MYH1: variants seen among roughly 807,000 people sequenced by gnomAD.
MYH1 encodes myosin-1.
A neutral mutation model predicts 225.6 loss-of-function variants in MYH1; 214 were observed. The observed-to-expected ratio is 0.95, with a 90% CI of 0.85 to 1.06. The LOEUF (loss-of-function observed/expected upper bound fraction) is 1.06, where lower values mean the gene tolerates loss of function less well. Ranked by LOEUF, MYH1 falls within the 50% of genes least tolerant of loss-of-function variation. MYH1 has a pLI of 0.00. For missense variants in MYH1, 2,098 were observed against 2,344.2 expected (o/e 0.89, Z 2.17); for synonymous variants, 774 against 842.3 (o/e 0.92, Z 1.40).
rs1056705175 is a variant in MYH1, at chr17:10,512,956, T to C, written c.815A>G (p.Glu272Gly). Residue 272 changes from glutamate to glycine, a missense_variant, in exon 10 of 40, where the codon GAG becomes GGG. Physicochemically the swap from Glu to Gly is moderately conservative, Grantham distance 98. Transcript: ENST00000226207. The part of the protein sequence containing the change: ...ASADIETYLL[E>G]KSRVTFQLKA... ...TAGCTGGAAAGTAACTCTAGACTTCTCCAGAAGATCTGCAACGGATAGTAG... is the reference window on the plus strand; with the variant it reads ...TAGCTGGAAAGTAACTCTAGACTTCCCCAGAAGATCTGCAACGGATAGTAG... The C allele has an allele frequency of 1.9e-6, 3 of 1,610,088 alleles. No individual in the cohort carries two copies. The highest frequency in any genetic ancestry group is 1.3e-5 in the African/African-American group (1 of 74,780).
intron 15 of MYH1, 137 bp from the exon 16 acceptor site, chr17:10,508,809 C>T: frequency 7.7e-7 from 1 of 1,304,650 alleles, no homozygotes; most frequent in Non-Finnish European, 1.0e-6. Flanking sequence ...TTCCTTTGGT[C>T]AGAAGTCATT....
At chr17:10,514,215 A>G in intron 6 of MYH1, 91 bp from the exon 7 acceptor site, 1 of 1,421,386 alleles carries the variant, frequency 7.0e-7, no homozygotes. Flanking sequence ...TCTATTAGAG[A>G]GCCTTTTACA....
At position 10,508,614 on chromosome 17, in the gene MYH1, G is replaced by A. The variant is rs2142272503; in HGVS notation, c.1646C>T (p.Thr549Ile). The change falls in exon 16 of 40, where the codon ACC (threonine) becomes ATC (isoleucine). Residue 549 changes from threonine to isoleucine, a missense_variant. Transcript: ENST00000226207. ...EECMFPKATD[T>I]SFKNKLYEQH... The stretch of plus-strand genomic sequence containing the variant: ...TTCATACAGCTTGTTCTTGAAGGAG[G>A]TGTCTGTCGCCTTGGGGAACATGCA... 2 of 1,614,208 alleles carry A rather than the reference G, an allele frequency of 1.2e-6. No homozygotes were observed. The highest frequency in any genetic ancestry group is 1.7e-6 in the Non-Finnish European group (2 of 1,180,036).
At position 10,498,039 on chromosome 17, in the gene MYH1, G is replaced by T. The variant is rs183733459; in HGVS notation, c.4182-122C>A. 25 of 959,230 alleles carry T rather than the reference G, an allele frequency of 2.6e-5. No individual in the cohort carries two copies. In the Admixed American group the frequency reaches 3.4e-4, roughly 13 times the overall value. 59.4% of individuals were successfully genotyped at this position (959,230 alleles called of 1,614,324 possible). A position where few individuals can be genotyped will look rare whatever the true frequency, so the allele number is the denominator to read the frequency against. On this transcript the variant is annotated intron_variant, in intron 30 of 39. Coordinates refer to ENST00000226207, the MANE Select transcript of MYH1 (RefSeq NM_005963.4). The stretch of plus-strand genomic sequence containing the variant: ...ATACTTTGCTTCTCAAGCTTGTTTT[G>T]TAGGTCCAGTTCTATATTAACTCAT...
In MYH1 at chr17:10,508,495, C is replaced by A. The variant is rs769065198; in HGVS notation, c.1765G>T (p.Val589Leu). 1.2e-6 allele frequency: 2 copies of A among 1,614,152 alleles called. No homozygotes were observed. Among genetic ancestry groups the A allele is most frequent in the East Asian group, 4.5e-5 (2 of 44,884 alleles). The stretch of plus-strand genomic sequence containing the variant: ...AGCCAGCCGGCAATGTTGTAGTCCA[C>A]GGTGCCAGCATAGTGAATCAAAGAG... Reference protein sequence around the residue: ...HFSLIHYAGTVDYNIAGWLDK... With the variant: ...HFSLIHYAGTLDYNIAGWLDK... Residue 589 changes from valine (V) to leucine (L), a missense_variant, in exon 16 of 40, where the codon GTG becomes TTG. Coordinates refer to ENST00000226207, the MANE Select transcript of MYH1 (RefSeq NM_005963.4).
Position 10,504,825 on chromosome 17 carries a change from T to TA in MYH1, c.2675_2676insT (p.Gln892HisfsTer7). 6.2e-7 allele frequency: 1 copy of TA among 1,613,886 alleles called. No homozygotes were observed. Among genetic ancestry groups the TA allele is most frequent in the Non-Finnish European group, 8.5e-7 (1 of 1,179,974 alleles). On this transcript the variant is annotated frameshift_variant, in exon 22 of 40. Coordinates refer to ENST00000226207, the MANE Select transcript of MYH1 (RefSeq NM_005963.4). LOFTEE classifies it high-confidence loss of function. The stretch of plus-strand genomic sequence containing the variant: ...GGATACTCACAGCTTGAACCTGGAG[T>TA]TGCAAGTCATTTTTTTCTTGCATCA...
chr17:10,509,698 A>G (rs1244115266), intron 14 of MYH1, 43 bp from the exon 15 acceptor site: 2 of 1,613,994 alleles, frequency 1.2e-6, no homozygotes, highest in Admixed American at 3.3e-5. Context: ...ATTTATAATG[A>G]AATCTTCTCT....
Position 10,494,571 on chromosome 17 carries a change from G to C in MYH1, c.5569C>G (p.Gln1857Glu). The C allele has an allele frequency of 6.2e-7, 1 of 1,613,744 alleles. No homozygotes were observed. The highest frequency in any genetic ancestry group is 8.5e-7 in the Non-Finnish European group (1 of 1,179,900). The change falls in exon 38 of 40, where the codon CAA (glutamine) becomes GAA (glutamate). Residue 1857 changes from glutamine to glutamate, a missense_variant and splice_region_variant. Physicochemically the swap from Gln to Glu is conservative, Grantham distance 29. Transcript: ENST00000226207. ...CCTAGACAGGCCATTTTCCTTACTT[G>C]GTAAGTGAGTTCCTTCACTTTTCTC... is the stretch of plus-strand genomic sequence containing the variant. Reference protein sequence around the residue: ...HERKVKELTYQTEEDRKNILR... With the variant: ...HERKVKELTYETEEDRKNILR...
At chr17:10,502,423 C>T (rs761104917) in intron 24 of MYH1, among the ~76,000 whole-genome samples, 8 of 152,186 alleles carry the variant, frequency 5.3e-5, no homozygotes, top group Non-Finnish European at 7.4e-5. Context: ...TTTCTTTTTG[C>T]ACATAGCCCC....
chr17:10,516,577 C>G lies in MYH1; in HGVS notation c.66G>C (p.Arg22Ser), dbSNP rs762025820. ...GCTTGTTCTGGGCTTCAATTCGCTC[C>G]CTTTCAGACTTTCGGAGGAAAGGAG... ...EAAPFLRKSERERIEAQNKPF... is the reference protein window; with the variant it reads ...EAAPFLRKSESERIEAQNKPF... The change falls in exon 3 of 40, where the codon AGG becomes AGC. Residue 22 changes from arginine (R) to serine (S), a missense_variant. By Grantham distance (110) the Arg-to-Ser change is moderately radical. Coordinates refer to ENST00000226207, the MANE Select transcript of MYH1 (RefSeq NM_005963.4). 2.4e-5 allele frequency: 38 copies of G among 1,614,040 alleles called. No homozygotes were observed. In the Admixed American group the frequency reaches 6.3e-4, roughly 27 times the overall value.
chr17:10,511,863 G>T lies in MYH1; in HGVS notation c.1392C>A (p.Asp464Glu). ...CATCAAAGATCTCAAAGCCAGCAATGTCCAAGACCCCAATGAAGTACTGCC... is the reference window on the plus strand; with the variant it reads ...CATCAAAGATCTCAAAGCCAGCAATTTCCAAGACCCCAATGAAGTACTGCC... ...QPRQYFIGVL[D>E]IAGFEIFDFN... The change falls in exon 14 of 40, where the codon GAC (aspartate) becomes GAA (glutamate). Residue 464 changes from aspartate (D) to glutamate (E), a missense_variant. By Grantham distance (45) the Asp-to-Glu change is conservative (BLOSUM62 2). Coordinates refer to ENST00000226207, the MANE Select transcript of MYH1 (RefSeq NM_005963.4). 3 of 1,614,162 alleles carry T rather than the reference G, an allele frequency of 1.9e-6. No individual in the cohort carries two copies. The highest frequency in any genetic ancestry group is 2.5e-6 in the Non-Finnish European group (3 of 1,180,030).
At position 10,505,170 on chromosome 17, in the gene MYH1, C is replaced by A. The variant is rs759061526; in HGVS notation, c.2428G>T (p.Glu810Ter). 4 of 1,614,008 alleles carry A rather than the reference C, an allele frequency of 2.5e-6. No individual in the cohort carries two copies. The African/African-American group carries it at 5.3e-5, about 22-fold the overall frequency. The change falls in exon 21 of 40, where the codon GAA becomes TAA. Residue 810 changes from glutamate to a stop codon, truncating the protein, a stop_gained. Transcript: ENST00000226207. LOFTEE classifies it high-confidence loss of function. ...LARVEYQKMV[E>*]RRESIFCIQY... ...AAGAATTCTTATTAATACCTTCTTTCCACCATTTTCTGGTACTCCACTCTT... is the reference window on the plus strand; with the variant it reads ...AAGAATTCTTATTAATACCTTCTTTACACCATTTTCTGGTACTCCACTCTT...
Position 10,505,469 on chromosome 17 carries a change from G to C in MYH1, c.2217C>G (p.Phe739Leu). 6.2e-7 allele frequency: 1 copy of C among 1,614,170 alleles called. No homozygotes were observed. The highest frequency in any genetic ancestry group is 8.5e-7 in the Non-Finnish European group (1 of 1,180,016). ...TCTCTGAAGCCTTCTTGCTATCGAT[G>C]AATTGTCCTTCAGGGATAGCACTTG... ...LNASAIPEGQ[F>L]IDSKKASEKL... The change falls in exon 20 of 40, where the codon TTC becomes TTG. Residue 739 changes from phenylalanine to leucine, a missense_variant. Coordinates refer to ENST00000226207, the MANE Select transcript of MYH1 (RefSeq NM_005963.4).
intron 33 of MYH1, 31 bp from the exon 34 acceptor site, chr17:10,496,580 A>G (rs3744563): frequency 0.44 from 709,019 of 1,613,346 alleles, 163,693 homozygotes; most frequent in East Asian, 0.84. Flanking sequence ...ACATTAGTAG[A>G]GTAATGGAAG....
chr17:10,499,369 G>T (rs1417198975), intron 28 of MYH1, among the ~76,000 whole-genome samples: 1 of 152,056 alleles, frequency 6.6e-6, no homozygotes, highest in Non-Finnish European at 1.5e-5. Context: ...GAAGAAACAT[G>T]AAAAAAATGT....
In MYH1 at chr17:10,501,430, G is replaced by T. The variant is rs1432611647; in HGVS notation, c.3418C>A (p.Arg1140Ser). 5 of 1,614,182 alleles carry T rather than the reference G, an allele frequency of 3.1e-6. No individual in the cohort carries two copies. The East Asian group carries it at 1.1e-4, about 36-fold the overall frequency. ...RASRAKAEKQ[R>S]SDLSRELEEI... ...TCCAGCTCCCGGGAGAGATCAGAGC[G>T]CTGCTTCTCTGCTTTGGCCCGGGAG... The change falls in exon 27 of 40, where the codon CGC becomes AGC. Residue 1140 changes from arginine to serine, a missense_variant. By Grantham distance (110) the Arg-to-Ser change is moderately radical. Transcript: ENST00000226207.
At chr17:10,517,153 A>G (rs1045199864) in intron 2 of MYH1, among the ~76,000 whole-genome samples, 13 of 152,198 alleles carry the variant, frequency 8.5e-5, no homozygotes, top group Non-Finnish European at 1.8e-4. Context: ...AGAAAGGCTC[A>G]AAGCTGGCTT....
rs117737350 is a variant in MYH1, at chr17:10,509,491, G to A, written c.1581C>T (p.Ile527=). The A allele has an allele frequency of 1.3e-3, 2,080 of 1,614,056 alleles. 67 individuals carry two copies. In the East Asian group the frequency reaches 0.037, roughly 29 times the overall value. The part of the protein sequence containing the change: ...GMDLAACIEL[I]EKPMGIFSIL... ...CTGCAAAAAGCAAGCCAACCTTCTC[G>A]ATGAGCTCGATGCAGGCAGCCAGGT... Residue 527 remains isoleucine (I), a synonymous_variant, in exon 15 of 40, where the codon ATC becomes ATT. Transcript: ENST00000226207.
intron 16 of MYH1, among the ~76,000 whole-genome samples, 198 bp downstream of exon 16, chr17:10,508,165 C>T (rs2073134208): frequency 1.3e-5 from 2 of 151,766 alleles, no homozygotes; most frequent in South Asian, 2.1e-4. Flanking sequence ...ATTATAGGCA[C>T]CTGCCACCAT....
Sources: allele counts gnomAD v4.1 joint callset (sites outside exome capture counted in the v4.1 genomes callset), GRCh38; gene constraint gnomAD v4.1.1; transcripts MANE v1.5; gene names NCBI Gene and HGNC (gene_info 2026-07-23, HGNC 2026-07-21).